Variants in TGM3 observed in about 807,000 individuals in gnomAD.
The protein encoded by TGM3 is protein-glutamine gamma-glutamyltransferase E.
A neutral mutation model predicts 73.8 loss-of-function variants in TGM3; 52 were observed. The ratio of observed to expected loss-of-function variants is 0.70; its 90% CI spans 0.56 to 0.89. The LOEUF (loss-of-function observed/expected upper bound fraction) is 0.89. TGM3 is among the 40% of genes least tolerant of loss of function. The probability of loss-of-function intolerance (pLI) is 0.00; values close to 1 mark genes in which losing one functional copy is unlikely to be tolerated. For missense variants in TGM3, 928 were observed against 909.9 expected (o/e 1.02, Z -0.26); for synonymous variants, 372 against 354.9 (o/e 1.05, Z -0.54).
chr20:2,317,711 G>A (rs910031877), intron 7 of TGM3, among the ~76,000 whole-genome samples: 35 of 152,020 alleles, frequency 2.3e-4, no homozygotes, highest in African/African-American at 8.0e-4. Flanking sequence ...TCTTGCTGCC[G>A]TCAGACAAAG....
chr20:2,308,412 A>T (rs1328843029), intron 1 of TGM3, among the ~76,000 whole-genome samples: 2 of 152,208 alleles, frequency 1.3e-5, no homozygotes, highest in African/African-American at 4.8e-5. Context: ...CATAACTCAT[A>T]GGAAGATTTC....
chr20:2,334,472 A>G lies in TGM3; in HGVS notation c.1643-644A>G, dbSNP rs1355851780. On this transcript the variant is annotated intron_variant, in intron 10 of 12. Coordinates refer to ENST00000381458, the MANE Select transcript of TGM3 (RefSeq NM_003245.4). This position sits in a 1 kb window ranked among gnomAD's most constrained non-coding sequence, Gnocchi z 4.0. ...ATTTAGAAGAACTAGAGACCAGACCAGAGGAATGAAGGGGATGCTGTGGCA... is the reference window on the plus strand; with the variant it reads ...ATTTAGAAGAACTAGAGACCAGACCGGAGGAATGAAGGGGATGCTGTGGCA... Among the ~76,000 whole-genome samples, 1 of 152,236 alleles carries G rather than the reference A, an allele frequency of 6.6e-6. No individual in the cohort carries two copies. The highest frequency in any genetic ancestry group is 6.5e-5 in the Admixed American group (1 of 15,290).
At position 2,317,065 on chromosome 20, in the gene TGM3, C is replaced by T. The variant is rs199587679; in HGVS notation, c.670-3C>T. 1.3e-3 allele frequency: 2,090 copies of T among 1,613,322 alleles called. 5 individuals carry two copies. Among genetic ancestry groups the T allele is most frequent in the Non-Finnish European group, 1.6e-3 (1,941 of 1,179,842 alleles). On this transcript the variant is annotated splice_region_variant and splice_polypyrimidine_tract_variant and intron_variant, in intron 5 of 12. Transcript: ENST00000381458. ...TCATTTTGGGGGGGTGGTTTCTGCC[C>T]AGATCAATAGCAATGATGACAATGG...
Position 2,328,123 on chromosome 20 carries a change from T to C in TGM3, c.1091T>C (p.Val364Ala), listed in dbSNP as rs990849859. ...DATPQERSQG[V>A]FQCGPASVIG... is the part of the protein sequence containing the mutation. ...GCCTCTGCATCTTGGCCTCCAGGGG[T>C]GTTCCAGTGCGGCCCCGCTTCGGTC... is the stretch of plus-strand genomic sequence containing the variant. Residue 364 changes from valine to alanine, a missense_variant, in exon 9 of 13, where the codon GTG becomes GCG. By Grantham distance (64) the Val-to-Ala change is moderately conservative. Coordinates refer to ENST00000381458, the MANE Select transcript of TGM3 (RefSeq NM_003245.4). This position sits in a 1 kb window ranked among gnomAD's most constrained non-coding sequence, Gnocchi z 5.2. 5.0e-6 allele frequency: 8 copies of C among 1,613,942 alleles called. No homozygotes were observed. Among genetic ancestry groups the C allele is most frequent in the Non-Finnish European group, 6.8e-6 (8 of 1,180,012 alleles).
At chr20:2,340,108 G>C (rs1273245815) in intron 12 of TGM3, 121 bp downstream of exon 12, 3 of 1,254,820 alleles carry the variant, frequency 2.4e-6, no homozygotes, top group Admixed American at 2.3e-5. Flanking sequence ...TCTTTTGGGG[G>C]TCTTGGAACT....
chr20:2,314,564 C>A (rs1397670073), intron 5 of TGM3, among the ~76,000 whole-genome samples: 1 of 150,872 alleles, frequency 6.6e-6, no homozygotes, highest in Non-Finnish European at 1.5e-5. Flanking sequence ...CACACACACA[C>A]ACACACAGGA....
intron 9 of TGM3, among the ~76,000 whole-genome samples, chr20:2,331,700 A>G (rs1568632519): frequency 6.6e-6 from 1 of 152,214 alleles, no homozygotes; most frequent in Non-Finnish European, 1.5e-5. Flanking sequence ...TCAGAAAAAA[A>G]TGGAATCTAA....
intron 1 of TGM3, among the ~76,000 whole-genome samples, chr20:2,304,246 G>A (rs2084166160): frequency 1.3e-5 from 2 of 152,304 alleles, no homozygotes; most frequent in Non-Finnish European, 2.9e-5. Flanking sequence ...AGGATCATTG[G>A]ATCCTTGAAT....
At chr20:2,320,615 A>G (rs1191893810) in intron 7 of TGM3, among the ~76,000 whole-genome samples, 1 of 151,918 alleles carries the variant, frequency 6.6e-6, no homozygotes, top group Non-Finnish European at 1.5e-5. Flanking sequence ...AGTGGGGTAA[A>G]TTTTTTTCTA....
At chr20:2,303,528 A>G (rs533153951) in intron 1 of TGM3, among the ~76,000 whole-genome samples, 64 of 152,114 alleles carry the variant, frequency 4.2e-4, no homozygotes, top group Non-Finnish European at 8.1e-4. Context: ...ACATTTTAAA[A>G]TGGTTTAAAT....
intron 5 of TGM3, 32 bp downstream of exon 5, chr20:2,313,058 G>T: frequency 1.2e-6 from 2 of 1,613,356 alleles, no homozygotes; most frequent in Non-Finnish European, 8.5e-7. Flanking sequence ...ACAGCTAGTT[G>T]TCATCATATA....
intron 7 of TGM3, among the ~76,000 whole-genome samples, chr20:2,324,698 C>T (rs1359145146): frequency 1.3e-5 from 2 of 152,210 alleles, no homozygotes; most frequent in Non-Finnish European, 2.9e-5. Context: ...GGTTCAGGCT[C>T]TGCTCCTGGT....
Position 2,323,530 on chromosome 20 carries a change from T to C in TGM3, c.984-2319T>C, listed in dbSNP as rs184260767. Among the ~76,000 whole-genome samples the C allele has an allele frequency of 2.6e-5, 4 of 152,390 alleles. No individual in the cohort carries two copies. In the East Asian group the frequency reaches 7.7e-4, roughly 29 times the overall value. On this transcript the variant is annotated intron_variant, in intron 7 of 12. Coordinates refer to ENST00000381458, the MANE Select transcript of TGM3 (RefSeq NM_003245.4). ...GTGGACACCTTTAGATATACATGTA[T>C]GTGCACTTACGTGAGTTTTTCCATG...
At chr20:2,306,472 C>CTTTTTTTTTTTTTTTTTTTTTTTTTTTT (rs33929365) in intron 1 of TGM3, among the ~76,000 whole-genome samples, 1 of 129,622 alleles carries the variant, frequency 7.7e-6, no homozygotes, top group Non-Finnish European at 1.6e-5. Flanking sequence ...CTTTTCCTTT[C>CTTTTTTTTTTTTTTTTTTTTTTTTTTTT]TTTTTTTTTT....
chr20:2,309,737 C>T lies in TGM3; in HGVS notation c.88C>T (p.Leu30Phe). The change falls in exon 2 of 13, where the codon CTC becomes TTC. Residue 30 changes from leucine to phenylalanine, a missense_variant. Leu to Phe is a conservative substitution (Grantham distance 22). Transcript: ENST00000381458. ...CACAGACAAGTTCTCCAGCCAGGAGCTCATCTTGCGGAGAGGCCAAAACTT... is the reference window on the plus strand; with the variant it reads ...CACAGACAAGTTCTCCAGCCAGGAGTTCATCTTGCGGAGAGGCCAAAACTT... ...HHTDKFSSQE[L>F]ILRRGQNFQV... is the part of the protein sequence containing the mutation. The T allele has an allele frequency of 3.7e-6, 6 of 1,614,226 alleles. No homozygotes were observed. The highest frequency in any genetic ancestry group is 1.1e-5 in the South Asian group (1 of 91,086).
chr20:2,317,219 G>A lies in TGM3; in HGVS notation c.821G>A (p.Trp274Ter), dbSNP rs763351550. The A allele has an allele frequency of 2.5e-5, 41 of 1,614,148 alleles. No homozygotes were observed. Among genetic ancestry groups the A allele is most frequent in the Middle Eastern group, 1.6e-4 (1 of 6,062 alleles). The change falls in exon 6 of 13, where the codon TGG becomes TAG. Residue 274 changes from tryptophan to a stop codon, truncating the protein, a stop_gained. Coordinates refer to ENST00000381458, the MANE Select transcript of TGM3 (RefSeq NM_003245.4). LOFTEE classifies it high-confidence loss of function. Reference protein sequence around the residue: ...GFSPVRYGQCWVFAGTLNTAL... With the variant: ...GFSPVRYGQC ...AGCCCAGTCCGATATGGCCAGTGCT[G>A]GGTCTTTGCTGGGACCCTCAACACA...
chr20:2,338,126 G>T (rs923697986), intron 11 of TGM3, among the ~76,000 whole-genome samples: 1 of 152,116 alleles, frequency 6.6e-6, no homozygotes, highest in Non-Finnish European at 1.5e-5. Context: ...AATAATTTGG[G>T]TAAAACCCCA....
chr20:2,328,018 C>A lies in TGM3; in HGVS notation c.1088-102C>A. On this transcript the variant is annotated intron_variant, in intron 8 of 12. Coordinates refer to ENST00000381458, the MANE Select transcript of TGM3 (RefSeq NM_003245.4). This position sits in a 1 kb window ranked among gnomAD's most constrained non-coding sequence, Gnocchi z 5.2. ...CAGGGGTGAAGGAATTTGGGCGGGGCAGAGGCAGGGGGTTGCAGTGGTCCT... is the reference window on the plus strand; with the variant it reads ...CAGGGGTGAAGGAATTTGGGCGGGGAAGAGGCAGGGGGTTGCAGTGGTCCT... 1 of 1,533,916 alleles carries A rather than the reference C, an allele frequency of 6.5e-7. No homozygotes were observed. The highest frequency in any genetic ancestry group is 8.9e-7 in the Non-Finnish European group (1 of 1,125,592).
chr20:2,303,592 G>A (rs1480634056), intron 1 of TGM3, among the ~76,000 whole-genome samples: 1 of 152,124 alleles, frequency 6.6e-6, no homozygotes, highest in East Asian at 1.9e-4. Flanking sequence ...GAGAGTTCCT[G>A]GAAGTTAATA....
Sources: gnomAD v4.1 joint callset for allele counts (sites outside exome capture counted in the v4.1 genomes callset) on GRCh38, gnomAD v4.1.1 for gene constraint, Gnocchi (gnomAD v3.1) non-coding constraint, MANE v1.5 for transcripts, NCBI Gene and HGNC (gene_info 2026-07-23, HGNC 2026-07-21) for gene names.